The following TTLL9 variants were observed in gnomAD, a reference collection of about 807,000 sequenced individuals.
The protein encoded by TTLL9 is tubulin tyrosine ligase like 9.
In TTLL9, 47 loss-of-function variants were observed where a neutral mutation model predicts 65.6. That is an observed-to-expected ratio of 0.72 (90% CI 0.57 to 0.91). TTLL9 has a LOEUF of 0.91. Among genes scored for constraint, TTLL9 ranks in the 40% least tolerant of loss-of-function variants. The pLI is 0.00. For missense variants in TTLL9, 537 were observed against 568.8 expected (o/e 0.94, Z 0.57); for synonymous variants, 179 against 204.8 (o/e 0.87, Z 1.07).
chr20:31,922,857 G>C, intron 7 of TTLL9, 106 bp from the exon 8 acceptor site: 1 of 835,214 alleles, frequency 1.2e-6, no homozygotes, highest in Non-Finnish European at 1.9e-6. Flanking sequence ...TGACAGGGTT[G>C]ATTTAAAGAT....
At chr20:31,912,169 G>A (rs1217481925) in intron 6 of TTLL9, among the ~76,000 whole-genome samples, 2 of 152,166 alleles carry the variant, frequency 1.3e-5, no homozygotes, top group African/African-American at 4.8e-5. Context: ...CCTGATAATT[G>A]ACCATTTTCA....
At chr20:31,923,771 C>T (rs891442038) in intron 8 of TTLL9, among the ~76,000 whole-genome samples, 3 of 152,116 alleles carry the variant, frequency 2.0e-5, no homozygotes, top group Admixed American at 6.5e-5. Context: ...TCTCCTCCCA[C>T]GTCCTCTGGC....
At position 31,943,886 on chromosome 20, in the gene TTLL9, C is replaced by A; in HGVS notation, c.*865C>A. The A allele has an allele frequency of 2.2e-6, 1 of 455,272 alleles. No individual in the cohort carries two copies. Among genetic ancestry groups the A allele is most frequent in the Non-Finnish European group, 4.4e-6 (1 of 226,306 alleles). The allele number at this position is 455,272 out of a possible 1,614,324, so 28.2% of individuals were successfully genotyped here. A position where few individuals can be genotyped will look rare whatever the true frequency, so the allele number is the denominator to read the frequency against. ...CCTTTTCACATCTTACATTGCTAAGCTTCCTCTTGGTTTAAGAGGGGTTGC... is the reference window on the plus strand; with the variant it reads ...CCTTTTCACATCTTACATTGCTAAGATTCCTCTTGGTTTAAGAGGGGTTGC... On this transcript the variant is annotated 3_prime_UTR_variant, in exon 15 of 15. Coordinates refer to ENST00000535842, the MANE Select transcript of TTLL9 (RefSeq NM_001008409.5).
intron 7 of TTLL9, chr20:31,920,657 A>C (rs4911538): frequency 0.43 from 66,273 of 152,664 alleles, 14,630 homozygotes; most frequent in Non-Finnish European, 0.47. Context: ...GCACTACAGG[A>C]AAGAGCTCAG....
chr20:31,923,416 A>G (rs141096296), intron 8 of TTLL9, among the ~76,000 whole-genome samples: 65 of 152,284 alleles, frequency 4.3e-4, no homozygotes, highest in African/African-American at 1.5e-3. Flanking sequence ...GCAGGCTGCA[A>G]TAAACCAGAA....
chr20:31,943,574 C>CCTA lies in TTLL9; in HGVS notation c.*554_*556dup, dbSNP rs2064259766. On this transcript the variant is annotated 3_prime_UTR_variant, in exon 15 of 15. Coordinates refer to ENST00000535842, the MANE Select transcript of TTLL9 (RefSeq NM_001008409.5). ...TTGGGGGCCTGGGGAAGTACTGAGC[C>CCTA]CTAAACACATCCTCTTCTCCTTGCA... 1 of 364,402 alleles carries CCTA rather than the reference C, an allele frequency of 2.7e-6. No homozygotes were observed. The highest frequency in any genetic ancestry group is 3.7e-5 in the Admixed American group (1 of 27,214). 22.6% of individuals were successfully genotyped at this position (364,402 alleles called of 1,614,324 possible). A position where few individuals can be genotyped will look rare whatever the true frequency, so the allele number is the denominator to read the frequency against.
chr20:31,912,608 T>C (rs2063673499), intron 6 of TTLL9, among the ~76,000 whole-genome samples: 1 of 45,130 alleles, frequency 2.2e-5, no homozygotes, highest in South Asian at 3.7e-4. Flanking sequence ...TGTGTATGTG[T>C]GTGTGTGTGT....
At chr20:31,887,481 A>C (rs1312519247) in intron 3 of TTLL9, among the ~76,000 whole-genome samples, 1 of 152,184 alleles carries the variant, frequency 6.6e-6, no homozygotes, top group African/African-American at 2.4e-5. Flanking sequence ...TATTGTGTCC[A>C]TTTTACAGAT....
Position 31,871,151 on chromosome 20 carries a change from C to A in TTLL9, c.25C>A (p.Leu9Met), listed in dbSNP as rs371795400. The change falls in exon 2 of 15, where the codon CTG becomes ATG. Residue 9 changes from leucine (L) to methionine (M), a missense_variant. This residue lies in a region of TTLL9 where 320 missense variants were observed against 311.0 expected (regional missense o/e 1.03). Coordinates refer to ENST00000535842, the MANE Select transcript of TTLL9 (RefSeq NM_001008409.5). MVPSREAL[L>M]GPGTTAIRCP... ...GATGGTGCCATCCAGGGAAGCTCTG[C>A]TGGGACCAGGCACAACTGCCATTAG... 11 of 1,614,046 alleles carry A rather than the reference C, an allele frequency of 6.8e-6. No homozygotes were observed. The African/African-American group carries it at 1.3e-4, about 20-fold the overall frequency.
intron 2 of TTLL9, among the ~76,000 whole-genome samples, chr20:31,882,331 T>C (rs2063129990): frequency 6.6e-6 from 1 of 152,166 alleles, no homozygotes; most frequent in Non-Finnish European, 1.5e-5. Context: ...AGCTGATCTC[T>C]GGTTAGATAA....
chr20:31,897,331 C>G (rs2063401697), intron 3 of TTLL9, among the ~76,000 whole-genome samples: 1 of 151,584 alleles, frequency 6.6e-6, no homozygotes, highest in African/African-American at 2.4e-5. Flanking sequence ...AGTAGCATTT[C>G]CTTATTGTGG....
chr20:31,874,034 T>G (rs1161486076), intron 2 of TTLL9, among the ~76,000 whole-genome samples: 1 of 152,150 alleles, frequency 6.6e-6, no homozygotes. Flanking sequence ...TCCCACTGAG[T>G]GCTAAGGGGA....
intron 14 of TTLL9, among the ~76,000 whole-genome samples, chr20:31,941,584 A>T (rs2064211379): frequency 6.6e-6 from 1 of 151,322 alleles, no homozygotes; most frequent in Non-Finnish European, 1.5e-5. Context: ...TTTGAGACGG[A>T]GTCTCGCTCT....
chr20:31,898,302 T>C (rs1413375197), intron 3 of TTLL9, among the ~76,000 whole-genome samples, 171 bp from the exon 4 acceptor site: 2 of 152,234 alleles, frequency 1.3e-5, no homozygotes, highest in African/African-American at 4.8e-5. Context: ...GATTCTGTAA[T>C]TCTCAATCTG....
Position 31,943,897 on chromosome 20 carries a change from T to C in TTLL9, c.*876T>C. 2 of 452,804 alleles carry C rather than the reference T, an allele frequency of 4.4e-6. No homozygotes were observed. The highest frequency in any genetic ancestry group is 8.9e-6 in the Non-Finnish European group (2 of 224,886). 28.0% of individuals were successfully genotyped at this position (452,804 alleles called of 1,614,324 possible). ...CTTACATTGCTAAGCTTCCTCTTGG[T>C]TTAAGAGGGGTTGCAACAAGACTCG... On this transcript the variant is annotated 3_prime_UTR_variant, in exon 15 of 15. Transcript: ENST00000535842.
At chr20:31,934,447 A>G in intron 11 of TTLL9, 1 of 650,940 alleles carries the variant, frequency 1.5e-6, no homozygotes, top group Non-Finnish European at 2.8e-6. Context: ...GGCTCAGAAA[A>G]GGGGCCTACG....
chr20:31,941,927 C>T (rs2064217290), intron 14 of TTLL9, among the ~76,000 whole-genome samples: 1 of 152,156 alleles, frequency 6.6e-6, no homozygotes, highest in Non-Finnish European at 1.5e-5. Flanking sequence ...CAGGGACATC[C>T]AGGTGAAAGG....
chr20:31,879,668 G>A (rs969774133), intron 2 of TTLL9: 2 of 668,610 alleles, frequency 3.0e-6, no homozygotes, highest in South Asian at 2.1e-5. Context: ...GGAAAAGAAA[G>A]GTTGAGGAAG....
chr20:31,913,945 C>A (rs1332910561), intron 6 of TTLL9, among the ~76,000 whole-genome samples: 2 of 152,212 alleles, frequency 1.3e-5, no homozygotes, highest in Admixed American at 1.3e-4. Context: ...GACTGCTTGG[C>A]TGTCACGGAT....
Sources: gnomAD v4.1 joint callset for allele counts (sites outside exome capture counted in the v4.1 genomes callset) on GRCh38, gnomAD v4.1.1 for gene constraint, gnomAD v4.1.1 regional missense constraint, MANE v1.5 for transcripts, NCBI Gene and HGNC (gene_info 2026-07-23, HGNC 2026-07-21) for gene names.